Variants in DNAH3 observed in about 807,000 individuals in gnomAD.
DNAH3 encodes axonemal beta dynein heavy chain 3.
Under a neutral mutation model 432.5 loss-of-function variants are expected in DNAH3, and 332 were observed. The ratio of observed to expected loss-of-function variants is 0.77; its 90% CI spans 0.70 to 0.84. The LOEUF is 0.84. Among genes scored for constraint, DNAH3 ranks in the 40% least tolerant of loss-of-function variants. The pLI is 0.00. For missense variants in DNAH3, 4,861 were observed against 5,114.0 expected, an observed-to-expected ratio of 0.95 and a Z score of 1.51; for synonymous variants, 1,956 against 1,900.2, an observed-to-expected ratio of 1.03 and a Z score of -0.76.
chr16:21,067,776 G>GGAGGGAGAGAGAGAGAGAGAGA (rs374291201), intron 23 of DNAH3, among the ~76,000 whole-genome samples: 1 of 40,894 alleles, frequency 2.4e-5, no homozygotes, highest in African/African-American at 1.2e-4. Flanking sequence ...GGGTGGGGAG[G>GGAGGGAGAGAGAGAGAGAGAGA]GAGAGAGAGA....
In DNAH3 at chr16:21,036,814, A is replaced by G. The variant is rs773720396; in HGVS notation, c.4985T>C (p.Leu1662Pro). ...AAAAACTTCATAGTCTGGCTTTGGA[A>G]GAACAACTCCAGGAAATAAATCAGA... Residue 1662 changes from leucine to proline, a missense_variant, in exon 35 of 62, where the codon CTT becomes CCT. Physicochemically the swap from Leu to Pro is moderately conservative, Grantham distance 98 (BLOSUM62 -3). Transcript: ENST00000261383. The G allele has an allele frequency of 3.1e-6, 5 of 1,611,604 alleles. No individual in the cohort carries two copies. The highest frequency in any genetic ancestry group is 4.2e-6 in the Non-Finnish European group (5 of 1,177,974).
At chr16:21,026,991 C>T (rs1257557497) in intron 38 of DNAH3, 36 bp downstream of exon 38, 4 of 1,497,398 alleles carry the variant, frequency 2.7e-6, no homozygotes, top group Non-Finnish European at 3.7e-6. Flanking sequence ...AGTGGAGCCA[C>T]ACTGTCCCCC....
chr16:20,974,818 C>CTTA (rs770805396), intron 51 of DNAH3, among the ~76,000 whole-genome samples: 15 of 150,414 alleles, frequency 1.0e-4, no homozygotes, highest in African/African-American at 2.7e-4. Context: ...TCGCCTACCC[C>CTTA]TTATTATTAT....
At chr16:21,046,504 CTTTT>C (rs1425891236) in intron 31 of DNAH3, among the ~76,000 whole-genome samples, 2 of 151,670 alleles carry the variant, frequency 1.3e-5, no homozygotes, top group South Asian at 2.1e-4. Flanking sequence ...CAACCCCTGC[CTTTT>C]TTTGTTTTTC....
At chr16:21,140,653 T>C in exon 5 of DNAH3, 1 of 1,614,204 alleles carries the variant, frequency 6.2e-7, no homozygotes, top group Non-Finnish European at 8.5e-7. Context: ...ACGTCAAAGA[T>C]GTCTTTACCT....
rs536337545 is a variant in DNAH3, at chr16:21,103,344, G to GGT, written c.2366+1125_2366+1126dup. On this transcript the variant is annotated intron_variant, in intron 16 of 61. Transcript: ENST00000261383. ...CAGTTCCATAGAAAAGGGTGTAGAG[G>GGT]GTGTGTGTGTGGGGGGGGGCAGGGT... Among the ~76,000 whole-genome samples, 505 of 140,072 alleles carry GGT rather than the reference G, an allele frequency of 3.6e-3. 7 individuals are homozygous for GGT. Among genetic ancestry groups the GGT allele is most frequent in the Middle Eastern group, 7.2e-3 (2 of 278 alleles). 91.9% of individuals were successfully genotyped at this position (140,072 alleles called of 152,430 possible).
chr16:21,004,861 G>C (rs974099180), intron 41 of DNAH3, among the ~76,000 whole-genome samples: 4 of 152,196 alleles, frequency 2.6e-5, no homozygotes, highest in African/African-American at 7.2e-5. Flanking sequence ...ATTCCTTTGT[G>C]AACTGTGAGG....
At chr16:21,104,126 A>G (rs1014043076) in intron 16 of DNAH3, 3 of 198,458 alleles carry the variant, frequency 1.5e-5, no homozygotes, top group African/African-American at 2.3e-5. Flanking sequence ...GATATCTTAC[A>G]GATCTGTGGT....
intron 52 of DNAH3, among the ~76,000 whole-genome samples, chr16:20,968,886 T>G (rs899126394): frequency 6.6e-6 from 1 of 151,450 alleles, no homozygotes; most frequent in African/African-American, 2.4e-5. Flanking sequence ...ACTCTGTCTC[T>G]CTGTTTCTGT....
chr16:21,030,166 A>G (rs1694575360), intron 37 of DNAH3, among the ~76,000 whole-genome samples: 1 of 152,156 alleles, frequency 6.6e-6, no homozygotes. Context: ...GCCTCCATCA[A>G]GAGGTGAAGT....
chr16:21,078,467 G>A (rs2091059290), intron 20 of DNAH3, among the ~76,000 whole-genome samples: 2 of 152,138 alleles, frequency 1.3e-5, no homozygotes, highest in South Asian at 4.1e-4. Context: ...TATGGCCTGT[G>A]AGAGGTGACC....
At chr16:20,991,590 T>A (rs1432265330) in intron 44 of DNAH3, among the ~76,000 whole-genome samples, 2 of 152,200 alleles carry the variant, frequency 1.3e-5, no homozygotes, top group African/African-American at 4.8e-5. Context: ...AGGTCTCTTT[T>A]TAATTTATAG....
rs974352360 is a variant in DNAH3 at position 20,984,480 on chromosome 16, T to C, written c.7665+597A>G. On this transcript the variant is annotated intron_variant, in intron 48 of 61. Coordinates refer to ENST00000261383, the Ensembl canonical transcript of DNAH3. Reference sequence around the variant, plus strand: ...ACAATTGCTAGGTTTCTAGATACATTGGAAATGTCGTTCACAGAGAAAACC... The same window carrying C: ...ACAATTGCTAGGTTTCTAGATACATCGGAAATGTCGTTCACAGAGAAAACC... Among the ~76,000 whole-genome samples, 14 of 152,206 alleles carry C rather than the reference T, an allele frequency of 9.2e-5. No homozygotes were observed. In the East Asian group the frequency reaches 2.7e-3, roughly 29 times the overall value.
At chr16:21,154,796 G>A (rs778460536) in intron 1 of DNAH3, among the ~76,000 whole-genome samples, 6 of 152,120 alleles carry the variant, frequency 3.9e-5, no homozygotes, top group Non-Finnish European at 7.3e-5. Context: ...CTGAGGAAAG[G>A]TGGAAAATAA....
chr16:21,139,934 C>T (rs1472229088), intron 5 of DNAH3, among the ~76,000 whole-genome samples: 4 of 151,924 alleles, frequency 2.6e-5, no homozygotes, highest in African/African-American at 9.7e-5. Context: ...CGCCTGCCAC[C>T]ATGCCTGGCT....
chr16:20,936,868 G>A lies in DNAH3; in HGVS notation c.11655-15C>T. The A allele has an allele frequency of 1.3e-6, 2 of 1,595,796 alleles. No homozygotes were observed. The highest frequency in any genetic ancestry group is 1.7e-6 in the Non-Finnish European group (2 of 1,170,348). On this transcript the variant is annotated splice_polypyrimidine_tract_variant and intron_variant, in intron 59 of 61. Transcript: ENST00000261383. ...CTTTGGTCAGCCTGCAAGAACAGAG[G>A]AGCTGGCTGAGCTGGGCTCTCCGGT...
At chr16:21,002,444 G>A (rs893950894) in intron 42 of DNAH3, among the ~76,000 whole-genome samples, 49 of 146,828 alleles carry the variant, frequency 3.3e-4, no homozygotes, top group Non-Finnish European at 5.5e-4. Context: ...ATCTGGTGTT[G>A]TTATTATTAT....
chr16:21,117,193 C>T lies in DNAH3; in HGVS notation c.1814+10G>A, dbSNP rs376952108. The T allele has an allele frequency of 2.0e-5, 31 of 1,571,894 alleles. No individual in the cohort carries two copies. The highest frequency in any genetic ancestry group is 1.2e-4 in the South Asian group (10 of 86,718). The stretch of plus-strand genomic sequence containing the variant: ...AGCTACATAGCTAATAAATTTATAA[C>T]TCAACTTACTTGCAGGGGCCAACTT... On this transcript the variant is annotated intron_variant, in intron 12 of 61. Coordinates refer to ENST00000261383, the Ensembl canonical transcript of DNAH3.
chr16:21,063,985 T>C (rs566560423), intron 24 of DNAH3, among the ~76,000 whole-genome samples: 1 of 152,300 alleles, frequency 6.6e-6, no homozygotes, highest in African/African-American at 2.4e-5. Context: ...GATGGAGGGA[T>C]TGTGTGATTA....
Sources: gnomAD v4.1 joint callset for allele counts (sites outside exome capture counted in the v4.1 genomes callset) on GRCh38, gnomAD v4.1.1 for gene constraint, MANE v1.5 for transcripts, NCBI Gene and HGNC (gene_info 2026-07-23, HGNC 2026-07-21) for gene names.